CACNA2D1: variants seen among roughly 807,000 people sequenced by gnomAD.
CACNA2D1 encodes voltage-dependent calcium channel subunit alpha-2/delta-1.
A neutral mutation model predicts 171.5 loss-of-function variants in CACNA2D1; 53 were observed. That is an observed-to-expected ratio of 0.31 (90% CI 0.25 to 0.39). The LOEUF is 0.39. CACNA2D1 is among the 10% of genes least tolerant of loss of function. CACNA2D1 has a pLI of 1.00. For synonymous variants in CACNA2D1, 442 were observed against 443.1 expected (o/e 1.00, Z 0.03); for missense variants, 903 against 1,299.8 (o/e 0.69, Z 4.69).
At chr7:82,037,678 T>A (rs985181876) in intron 11 of CACNA2D1, among the ~76,000 whole-genome samples, 3 of 152,164 alleles carry the variant, frequency 2.0e-5, no homozygotes, top group Non-Finnish European at 4.4e-5. Context: ...CCAAACTAGA[T>A]GTTTAAAACT....
intron 1 of CACNA2D1, among the ~76,000 whole-genome samples, chr7:82,381,180 G>A (rs540330949): frequency 6.6e-6 from 1 of 152,060 alleles, no homozygotes; most frequent in African/African-American, 2.4e-5. Flanking sequence ...TGGCCGTGGT[G>A]GCGGGCCCCT....
At chr7:81,965,444 TG>T (rs1794618760) in intron 32 of CACNA2D1, 149 bp downstream of exon 32, 5 of 648,612 alleles carry the variant, frequency 7.7e-6, no homozygotes, top group Admixed American at 2.5e-5. Context: ...CATTTCTTAA[TG>T]GTTTACATAA....
intron 6 of CACNA2D1, among the ~76,000 whole-genome samples, chr7:82,107,983 T>C (rs1259727470): frequency 1.3e-5 from 2 of 152,174 alleles, no homozygotes; most frequent in African/African-American, 2.4e-5. Flanking sequence ...GTCATCCTTA[T>C]CCAGGGTCAC....
At chr7:82,216,332 C>A (rs2129236843) in intron 3 of CACNA2D1, among the ~76,000 whole-genome samples, 1 of 152,256 alleles carries the variant, frequency 6.6e-6, no homozygotes, top group Non-Finnish European at 1.5e-5. Context: ...TTGTATAGAA[C>A]AAAGGCATGA....
chr7:81,955,183 G>GT lies in CACNA2D1; in HGVS notation c.3159+4091dup, dbSNP rs573408851. On this transcript the variant is annotated intron_variant, in intron 38 of 38. Coordinates refer to ENST00000356860, the MANE Select transcript of CACNA2D1 (RefSeq NM_000722.4). ...CCTCATGGTATGGAGCTTCATAACT[G>GT]TTTTTGTATAATCTATATCCTTCCG... is the stretch of plus-strand genomic sequence containing the variant. Among the ~76,000 whole-genome samples the GT allele has an allele frequency of 4.9e-3, 746 of 152,234 alleles. 6 individuals carry two copies. The highest frequency in any genetic ancestry group is 0.017 in the African/African-American group (702 of 41,542).
At chr7:82,335,102 A>G in intron 3 of CACNA2D1, 33 bp downstream of exon 3, 1 of 1,304,444 alleles carries the variant, frequency 7.7e-7, no homozygotes, top group Non-Finnish European at 1.1e-6. Context: ...AGTAAGGAAA[A>G]TAATAAAATG....
intron 3 of CACNA2D1, among the ~76,000 whole-genome samples, chr7:82,289,202 T>C (rs1811218329): frequency 6.6e-6 from 1 of 152,220 alleles, no homozygotes; most frequent in Admixed American, 6.5e-5. Context: ...GACCTAGTCA[T>C]ATACCTCCAC....
intron 4 of CACNA2D1, among the ~76,000 whole-genome samples, chr7:82,162,679 T>C (rs1230226786): frequency 6.6e-6 from 1 of 152,008 alleles, no homozygotes; most frequent in Non-Finnish European, 1.5e-5. Flanking sequence ...AGCATCTTCT[T>C]TCTACTTAGA....
At chr7:82,059,767 C>T (rs1806380310) in intron 10 of CACNA2D1, among the ~76,000 whole-genome samples, 1 of 151,128 alleles carries the variant, frequency 6.6e-6, no homozygotes, top group South Asian at 2.1e-4. Flanking sequence ...CAATGATAGA[C>T]TGGATTAAGA....
intron 4 of CACNA2D1, among the ~76,000 whole-genome samples, chr7:82,146,448 A>ATCTT (rs1793095687): frequency 6.9e-6 from 1 of 145,168 alleles, no homozygotes; most frequent in Non-Finnish European, 1.5e-5. Flanking sequence ...ATTTATATAT[A>ATCTT]TAAAGATATA....
chr7:82,072,384 CT>C (rs1384757528), intron 7 of CACNA2D1, among the ~76,000 whole-genome samples: 5 of 151,878 alleles, frequency 3.3e-5, no homozygotes, highest in Non-Finnish European at 7.4e-5. Flanking sequence ...TTTTAAAAGT[CT>C]GCTTCACTGT....
intron 4 of CACNA2D1, among the ~76,000 whole-genome samples, chr7:82,149,850 A>C (rs567088766): frequency 2.0e-5 from 3 of 151,546 alleles, no homozygotes; most frequent in South Asian, 4.2e-4. Context: ...CCAGCTACTC[A>C]GGAAGCTGAG....
chr7:82,283,265 G>C (rs1426521041), intron 3 of CACNA2D1, among the ~76,000 whole-genome samples: 1 of 152,038 alleles, frequency 6.6e-6, no homozygotes, highest in Non-Finnish European at 1.5e-5. Context: ...GTTGTTTTAT[G>C]AGACATTTAC....
At position 82,117,178 on chromosome 7, in the gene CACNA2D1, A is replaced by G. The variant is rs1287489854; in HGVS notation, c.397-5T>C. 2 of 1,613,228 alleles carry G rather than the reference A, an allele frequency of 1.2e-6. No homozygotes were observed. The highest frequency in any genetic ancestry group is 3.3e-5 in the Admixed American group (2 of 59,936). On this transcript the variant is annotated splice_polypyrimidine_tract_variant and splice_region_variant and intron_variant, in intron 5 of 38. Coordinates refer to ENST00000356860, the MANE Select transcript of CACNA2D1 (RefSeq NM_000722.4). ...CTCACTGTCATTTTTCTCAGGCTATATAGAAAAAGAATAAACAGAATATTA... is the reference window on the plus strand; with the variant it reads ...CTCACTGTCATTTTTCTCAGGCTATGTAGAAAAAGAATAAACAGAATATTA...
rs772212317 is a variant in CACNA2D1 at position 81,962,007 on chromosome 7, A to G, written c.2853T>C (p.Asp951=). ...RLLEAVEMED[D]DFTASLSKQS... ...GCTTGGACAGGGAGGCCGTGAAGTC[A>G]TCATCCTCCATCTCAACTTGGGTGG... Residue 951 remains aspartate (D), a synonymous_variant, in exon 36 of 39, where the codon GAT becomes GAC. Transcript: ENST00000356860. The G allele has an allele frequency of 1.9e-6, 3 of 1,612,454 alleles. No homozygotes were observed. The highest frequency in any genetic ancestry group is 2.2e-5 in the East Asian group (1 of 44,792).
chr7:82,233,361 A>C (rs909633988), intron 3 of CACNA2D1, among the ~76,000 whole-genome samples: 1 of 152,202 alleles, frequency 6.6e-6, no homozygotes, highest in Non-Finnish European at 1.5e-5. Flanking sequence ...AAATTTTAAC[A>C]AGGTAAACAT....
At chr7:81,979,110 G>A (rs971640413) in intron 24 of CACNA2D1, among the ~76,000 whole-genome samples, 1 of 151,976 alleles carries the variant, frequency 6.6e-6, no homozygotes, top group Non-Finnish European at 1.5e-5. Flanking sequence ...TATACGACGT[G>A]TCTAGAACAA....
intron 1 of CACNA2D1, among the ~76,000 whole-genome samples, chr7:82,379,325 A>G (rs1394994777): frequency 6.6e-6 from 1 of 152,156 alleles, no homozygotes; most frequent in Non-Finnish European, 1.5e-5. Flanking sequence ...TTTTTCACCT[A>G]AAGTTTTTAA....
Position 82,037,593 on chromosome 7 carries a change from C to T in CACNA2D1, c.1038+484G>A, listed in dbSNP as rs546289135. Among the ~76,000 whole-genome samples the T allele has an allele frequency of 9.9e-5, 15 of 152,120 alleles. No homozygotes were observed. The South Asian group carries it at 1.2e-3, about 13-fold the overall frequency. The stretch of plus-strand genomic sequence containing the variant: ...CCTCACTCAGAAAGAATTCCTGCTC[C>T]GGGAGTTGCATTTCTGTTCATCTTA... On this transcript the variant is annotated intron_variant, in intron 11 of 38. Transcript: ENST00000356860.
Sources: gnomAD v4.1 joint callset for allele counts (sites outside exome capture counted in the v4.1 genomes callset) on GRCh38, gnomAD v4.1.1 for gene constraint, MANE v1.5 for transcripts, NCBI Gene and HGNC (gene_info 2026-07-23, HGNC 2026-07-21) for gene names.